Variants in IQCK observed in about 807,000 individuals in gnomAD.
IQCK encodes the protein IQ domain-containing protein K.
IQCK carries 29 observed loss-of-function variants against 28.1 expected under a neutral mutation model. The ratio of observed to expected loss-of-function variants is 1.03; its 90% CI spans 0.77 to 1.41. The LOEUF is 1.41. Among genes scored for constraint, IQCK ranks in the 40% most tolerant of loss-of-function variants. IQCK has a pLI of 0.00. For synonymous variants in IQCK, 113 were observed against 115.1 expected (o/e 0.98, Z 0.12); for missense variants, 359 against 314.7 (o/e 1.14, Z -1.07).
intron 7 of IQCK, among the ~76,000 whole-genome samples, chr16:19,820,395 A>G (rs2056054703): frequency 6.6e-6 from 1 of 152,180 alleles, no homozygotes; most frequent in South Asian, 2.1e-4. Flanking sequence ...CACGCCTGTA[A>G]TCCCAGCACT....
intron 7 of IQCK, among the ~76,000 whole-genome samples, chr16:19,806,034 G>C (rs1234434939): frequency 6.6e-6 from 1 of 152,158 alleles, no homozygotes; most frequent in South Asian, 2.1e-4. Flanking sequence ...AAATGCAAAA[G>C]CCTGAAAAGA....
chr16:19,818,952 A>G (rs2056027085), intron 7 of IQCK, among the ~76,000 whole-genome samples: 2 of 152,132 alleles, frequency 1.3e-5, no homozygotes, highest in African/African-American at 4.8e-5. Context: ...GTGGCATTGG[A>G]TCAATTGGCA....
chr16:19,741,117 G>A (rs746658922), intron 4 of IQCK, among the ~76,000 whole-genome samples: 19 of 152,090 alleles, frequency 1.2e-4, no homozygotes, highest in Non-Finnish European at 2.5e-4. Flanking sequence ...AGAAGACATG[G>A]TCCTGTCCTA....
intron 6 of IQCK, among the ~76,000 whole-genome samples, chr16:19,767,668 C>T (rs548782746): frequency 7.2e-5 from 11 of 152,068 alleles, no homozygotes; most frequent in South Asian, 2.1e-4. Context: ...ATGCCCAGGA[C>T]GGGGGGTGTG....
chr16:19,740,871 G>A (rs532101038), intron 4 of IQCK, among the ~76,000 whole-genome samples: 1 of 151,928 alleles, frequency 6.6e-6, no homozygotes, highest in African/African-American at 2.4e-5. Context: ...GGGAGGCTGA[G>A]GCAGGAGAAT....
chr16:19,726,619 A>G (rs1977663510), intron 1 of IQCK, among the ~76,000 whole-genome samples: 1 of 152,258 alleles, frequency 6.6e-6, no homozygotes, highest in African/African-American at 2.4e-5. Context: ...GTATGTAGCA[A>G]CATTGAAAGG....
intron 9 of IQCK, among the ~76,000 whole-genome samples, chr16:19,849,884 C>T (rs1403818962): frequency 6.6e-6 from 1 of 152,218 alleles, no homozygotes; most frequent in African/African-American, 2.4e-5. Flanking sequence ...AGACAGAAGC[C>T]TCCATGCCCT....
chr16:19,812,755 A>G (rs983498881), intron 7 of IQCK, among the ~76,000 whole-genome samples: 2 of 152,226 alleles, frequency 1.3e-5, no homozygotes, highest in Non-Finnish European at 2.9e-5. Context: ...ATTTGAGACT[A>G]TAAAATAAGT....
intron 4 of IQCK, among the ~76,000 whole-genome samples, chr16:19,750,313 G>C (rs1221261545): frequency 6.6e-6 from 1 of 152,040 alleles, no homozygotes; most frequent in African/African-American, 2.4e-5. Flanking sequence ...TTTTAGTAGA[G>C]ACGGGGTTTC....
intron 4 of IQCK, among the ~76,000 whole-genome samples, chr16:19,739,569 C>T (rs2054803541): frequency 1.3e-5 from 2 of 152,168 alleles, no homozygotes; most frequent in South Asian, 4.1e-4. Context: ...AATCCCAGCA[C>T]CTTGGGAGGC....
intron 9 of IQCK, among the ~76,000 whole-genome samples, chr16:19,850,796 C>G (rs976749236): frequency 1.3e-5 from 2 of 152,242 alleles, no homozygotes; most frequent in Admixed American, 6.5e-5. Context: ...AGGAGGACTG[C>G]TTGAGCCCAG....
intron 6 of IQCK, among the ~76,000 whole-genome samples, chr16:19,766,629 C>T (rs980195784): frequency 6.6e-6 from 1 of 152,216 alleles, no homozygotes; most frequent in African/African-American, 2.4e-5. Flanking sequence ...CTGTAAGGAG[C>T]TGACCTGTGC....
chr16:19,779,537 A>G (rs1283741694), intron 6 of IQCK, among the ~76,000 whole-genome samples: 3 of 152,080 alleles, frequency 2.0e-5, no homozygotes, highest in African/African-American at 4.8e-5. Flanking sequence ...CCACCACACT[A>G]TATTACATTG....
intron 9 of IQCK, among the ~76,000 whole-genome samples, chr16:19,832,195 T>C (rs72769575): frequency 0.1 from 15,733 of 151,750 alleles, 915 homozygotes; most frequent in Non-Finnish European, 0.13. Flanking sequence ...CCATAGAAAT[T>C]GTTCCCATAA....
intron 7 of IQCK, among the ~76,000 whole-genome samples, chr16:19,813,784 T>C (rs1286143315): frequency 6.6e-6 from 1 of 152,134 alleles, no homozygotes; most frequent in Non-Finnish European, 1.5e-5. Flanking sequence ...ATAACAATAA[T>C]ATAAAAGTTG....
intron 4 of IQCK, among the ~76,000 whole-genome samples, chr16:19,757,876 T>C (rs2055074673): frequency 6.6e-6 from 1 of 152,252 alleles, no homozygotes; most frequent in Non-Finnish European, 1.5e-5. Flanking sequence ...CACATATCCA[T>C]GAACCCAGCA....
chr16:19,850,323 G>C (rs904443742), intron 9 of IQCK, among the ~76,000 whole-genome samples: 3 of 152,154 alleles, frequency 2.0e-5, no homozygotes, highest in African/African-American at 7.2e-5. Context: ...TGCATGACCT[G>C]TCTCTGCTTC....
At chr16:19,732,245 T>TA (rs1315660017) in intron 2 of IQCK, among the ~76,000 whole-genome samples, 1 of 152,224 alleles carries the variant, frequency 6.6e-6, no homozygotes, top group Non-Finnish European at 1.5e-5. Flanking sequence ...AGGTATCCCT[T>TA]ACTCCAGTCA....
At chr16:19,779,954 T>C (rs568664036) in intron 6 of IQCK, among the ~76,000 whole-genome samples, 2 of 151,800 alleles carry the variant, frequency 1.3e-5, no homozygotes, top group East Asian at 3.9e-4. Flanking sequence ...CCTGACCTCG[T>C]GATCCACCCG....
Sources: allele counts gnomAD v4.1 joint callset (sites outside exome capture counted in the v4.1 genomes callset), GRCh38; gene constraint gnomAD v4.1.1; transcripts MANE v1.5; gene names NCBI Gene and HGNC (gene_info 2026-07-23, HGNC 2026-07-21).